CTBP1: variants seen among roughly 807,000 people sequenced by gnomAD.
CTBP1 encodes the protein C-terminal-binding protein 1.
CTBP1 carries 11 observed loss-of-function variants against 42.1 expected under a neutral mutation model. The ratio of observed to expected loss-of-function variants is 0.26; its 90% CI spans 0.16 to 0.43. The LOEUF (loss-of-function observed/expected upper bound fraction) is 0.43, where lower values mean the gene tolerates loss of function less well. Among genes scored for constraint, CTBP1 ranks in the 20% least tolerant of loss-of-function variants. CTBP1 has a pLI of 1.00. For synonymous variants in CTBP1, 324 were observed against 277.1 expected (o/e 1.17, Z -1.68); for missense variants, 399 against 624.3 (o/e 0.64, Z 3.85).
intron 1 of CTBP1, among the ~76,000 whole-genome samples, chr4:1,245,792 A>G (rs1380543733): frequency 6.6e-6 from 1 of 152,042 alleles, no homozygotes; most frequent in Middle Eastern, 3.4e-3. Flanking sequence ...AGGCCTGGAG[A>G]GTTAACGGCG....
At chr4:1,249,716 C>CG, upstream of CTBP1, 1 of 399,812 alleles carries the variant, frequency 2.5e-6, no homozygotes, top group Non-Finnish European at 5.0e-6. Context: ...CGTCCCCAGG[C>CG]GGGGGAGCCC....
chr4:1,216,340 C>A, intron 5 of CTBP1, 135 bp from the exon 6 acceptor site: 1 of 888,796 alleles, frequency 1.1e-6, no homozygotes, highest in Non-Finnish European at 1.7e-6. Context: ...GTGGTCAAGC[C>A]AAGGTGCCCA....
In CTBP1 at chr4:1,219,985, T is replaced by A. The variant is rs563639242; in HGVS notation, c.515-3780A>T. The stretch of plus-strand genomic sequence containing the variant: ...ACTTCGGGAGGCCAAGATGGGTGGA[T>A]CACTTGAAGTCAGGAGTTCGAGCCT... On this transcript the variant is annotated intron_variant, in intron 5 of 9. Transcript: ENST00000382952. 3.9e-5 allele frequency among the ~76,000 whole-genome samples: 6 copies of A among 152,314 alleles called. No individual in the cohort carries two copies. In the South Asian group the frequency reaches 1.2e-3, roughly 32 times the overall value.
At chr4:1,213,702 G>C (rs754491387) in intron 7 of CTBP1, 97 bp from the exon 8 acceptor site, 357 of 1,478,308 alleles carry the variant, frequency 2.4e-4, no homozygotes, top group Admixed American at 7.5e-4. Flanking sequence ...GGGGGGCCCT[G>C]CCTGGGAACC....
At position 1,236,811 on chromosome 4, in the gene CTBP1, C is replaced by T. The variant is rs1406656700; in HGVS notation, c.162+1372G>A. 4.1e-5 allele frequency: 27 copies of T among 651,366 alleles called. 1 individual carries two copies. The highest frequency in any genetic ancestry group is 9.3e-5 in the Admixed American group (4 of 43,182). The allele number at this position is 651,366 out of a possible 1,614,324, so 40.3% of individuals were successfully genotyped here. A position where few individuals can be genotyped will look rare whatever the true frequency, so the allele number is the denominator to read the frequency against. On this transcript the variant is annotated intron_variant, in intron 3 of 9. Transcript: ENST00000382952. The stretch of plus-strand genomic sequence containing the variant: ...CCTCCTGATGGGGCTCAGGGCAAAC[C>T]GAATGTCCACCTCCTGATGGGGCTC...
chr4:1,248,793 T>A (rs937374433), intron 1 of CTBP1, 123 bp downstream of exon 1: 1 of 942,638 alleles, frequency 1.1e-6, no homozygotes, highest in Non-Finnish European at 1.3e-6. Flanking sequence ...GCACGCGCAC[T>A]CGCACACAAA....
Position 1,225,487 on chromosome 4 carries a change from G to A in CTBP1, c.387C>T (p.Tyr129=), listed in dbSNP as rs1388969883. The A allele has an allele frequency of 6.5e-7, 1 of 1,546,108 alleles. No homozygotes were observed. The highest frequency in any genetic ancestry group is 8.7e-7 in the Non-Finnish European group (1 of 1,146,994). Residue 129 remains tyrosine (Y), a synonymous_variant, in exon 5 of 10, where the codon TAC becomes TAT. Transcript: ENST00000382952. The stretch of plus-strand genomic sequence containing the variant: ...CCTGGTGCAGCCAGGTGGCCCGCCG[G>A]TACAGGTTCAGGATGTGGCACAGCG... The part of the protein sequence containing the change: ...DSTLCHILNL[Y]RRATWLHQAL...
chr4:1,219,002 T>C (rs967845867), intron 5 of CTBP1, among the ~76,000 whole-genome samples: 1 of 151,966 alleles, frequency 6.6e-6, no homozygotes, highest in Non-Finnish European at 1.5e-5. Flanking sequence ...AAAGAGGAAC[T>C]AACTCTATAC....
rs2011161 is a variant in CTBP1 at position 1,233,895 on chromosome 4, G to C, written c.162+4288C>G. 0.058 allele frequency among the ~76,000 whole-genome samples: 8,901 copies of C among 152,266 alleles called. 443 individuals are homozygous for C. Among genetic ancestry groups the C allele is most frequent in the East Asian group, 0.21 (1,061 of 5,162 alleles). ...GTGTTCAGTTTCCTCCCACGCCAAA[G>C]CCTGGAGACAGGGAGCCTGCGGCCC... On this transcript the variant is annotated intron_variant, in intron 3 of 9. Transcript: ENST00000382952. This position sits in a 1 kb window ranked among gnomAD's most constrained non-coding sequence, Gnocchi z 4.6.
rs1489250024 is a variant in CTBP1, at chr4:1,238,202, G to A, written c.143C>T (p.Thr48Met). The A allele has an allele frequency of 3.1e-6, 5 of 1,612,960 alleles. No homozygotes were observed. Among genetic ancestry groups the A allele is most frequent in the Non-Finnish European group, 2.5e-6 (3 of 1,179,892 alleles). ...ATVAFCDAQS[T>M]QEIHEKVLNE... ...TGGTACCTTCTCATGGATCTCCTGC[G>A]TGGACTGCGCGTCGCAGAAGGCCAC... Residue 48 changes from threonine (T) to methionine (M), a missense_variant, in exon 3 of 10, where the codon ACG (threonine) becomes ATG (methionine). Coordinates refer to ENST00000382952, the MANE Select transcript of CTBP1 (RefSeq NM_001012614.2). The surrounding 1 kb of genome is among the most constrained non-coding windows in gnomAD (Gnocchi z 5.9).
chr4:1,225,427 C>T lies in CTBP1; in HGVS notation c.447G>A (p.Glu149=). The T allele has an allele frequency of 6.4e-7, 1 of 1,556,418 alleles. No individual in the cohort carries two copies. Among genetic ancestry groups the T allele is most frequent in the Non-Finnish European group, 8.7e-7 (1 of 1,154,506 alleles). Reference sequence around the variant, plus strand: ...CGCCGGACGCCACCTCGCGGATCTGCTCGACGCTCTGGACTCGTGTGCCCT... The same window carrying T: ...CGCCGGACGCCACCTCGCGGATCTGTTCGACGCTCTGGACTCGTGTGCCCT... ...LREGTRVQSV[E]QIREVASGAA... Residue 149 remains glutamate (E), a synonymous_variant, in exon 5 of 10, where the codon GAG becomes GAA. Transcript: ENST00000382952.
chr4:1,228,371 C>G (rs1271670792), intron 3 of CTBP1, 28 bp from the exon 4 acceptor site: 2 of 1,604,758 alleles, frequency 1.2e-6, no homozygotes, highest in South Asian at 1.1e-5. Context: ...ACAGGCTCAG[C>G]CCGGAACCTG....
intron 6 of CTBP1, among the ~76,000 whole-genome samples, chr4:1,215,311 G>A (rs997581601): frequency 4.6e-5 from 7 of 152,268 alleles, no homozygotes; most frequent in African/African-American, 1.2e-4. Flanking sequence ...CCTCTGACAC[G>A]TGTGTACACA....
chr4:1,224,603 T>C (rs1441310226), intron 5 of CTBP1, among the ~76,000 whole-genome samples: 3 of 148,842 alleles, frequency 2.0e-5, no homozygotes, highest in Admixed American at 2.0e-4. Context: ...TGCCACGATG[T>C]CTTGTGTGAG....
At chr4:1,239,544 A>G (rs993529327) in intron 2 of CTBP1, among the ~76,000 whole-genome samples, 4 of 152,192 alleles carry the variant, frequency 2.6e-5, no homozygotes, top group African/African-American at 9.6e-5. Context: ...AGCAGAGGCC[A>G]CCGAGCTGCC....
chr4:1,214,201 G>A lies in CTBP1; in HGVS notation c.860+142C>T, dbSNP rs569880848. Reference sequence around the variant, plus strand: ...TGGCTCCATCCTCACCCCGCAGCGGGCGGCAAACTCCCCCACTGCTGGCCA... The same window carrying A: ...TGGCTCCATCCTCACCCCGCAGCGGACGGCAAACTCCCCCACTGCTGGCCA... On this transcript the variant is annotated intron_variant, in intron 7 of 9. Transcript: ENST00000382952. 3 of 1,135,696 alleles carry A rather than the reference G, an allele frequency of 2.6e-6. No individual in the cohort carries two copies. The Admixed American group carries it at 1.1e-4, about 43-fold the overall frequency. 70.4% of individuals were successfully genotyped at this position (1,135,696 alleles called of 1,614,324 possible). A position where few individuals can be genotyped will look rare whatever the true frequency, so the allele number is the denominator to read the frequency against.
At chr4:1,216,640 G>A (rs900053962) in intron 5 of CTBP1, 3 of 242,398 alleles carry the variant, frequency 1.2e-5, no homozygotes, top group Admixed American at 5.1e-5. Flanking sequence ...CCACCACTAC[G>A]TGGAGACGGC....
intron 3 of CTBP1, 71 bp from the exon 4 acceptor site, chr4:1,228,414 C>A: frequency 1.3e-6 from 2 of 1,544,152 alleles, no homozygotes; most frequent in Non-Finnish European, 8.8e-7. Context: ...GGGGGTGGGG[C>A]TGCCCCGGCT....
chr4:1,212,506 C>T (rs951255344), intron 9 of CTBP1, 83 bp from the exon 10 acceptor site: 83 of 1,212,896 alleles, frequency 6.8e-5, no homozygotes, highest in East Asian at 3.9e-4. Flanking sequence ...TCGGCAGCAC[C>T]GAGGGGGCCT....
Sources: allele counts gnomAD v4.1 joint callset (sites outside exome capture counted in the v4.1 genomes callset), GRCh38; gene constraint gnomAD v4.1.1; non-coding constraint Gnocchi (gnomAD v3.1); transcripts MANE v1.5; gene names NCBI Gene and HGNC (gene_info 2026-07-23, HGNC 2026-07-21).